The following PALM2AKAP2 variants were observed in gnomAD, a reference collection of about 807,000 sequenced individuals.
PALM2AKAP2 encodes PALM2 and AKAP2 fusion.
PALM2AKAP2 carries 37 observed loss-of-function variants against 71.5 expected under a neutral mutation model. The ratio of observed to expected loss-of-function variants is 0.52; its 90% CI spans 0.40 to 0.68. The LOEUF (loss-of-function observed/expected upper bound fraction) is 0.68, where lower values mean the gene tolerates loss of function less well. Ranked by LOEUF, PALM2AKAP2 falls within the 30% of genes least tolerant of loss-of-function variation. The pLI is 0.00. For missense variants in PALM2AKAP2, 1,224 were observed against 1,191.8 expected, an observed-to-expected ratio of 1.03 and a Z score of -0.40; for synonymous variants, 468 against 478.8, an observed-to-expected ratio of 0.98 and a Z score of 0.29.
At chr9:109,990,522 T>G (rs189266536) in intron 6 of PALM2AKAP2, among the ~76,000 whole-genome samples, 8 of 152,324 alleles carry the variant, frequency 5.3e-5, no homozygotes, top group African/African-American at 1.9e-4. Flanking sequence ...GTACCCCAAG[T>G]TGATCCTAGT....
chr9:109,965,291 T>C (rs1831926212), intron 6 of PALM2AKAP2, among the ~76,000 whole-genome samples: 1 of 152,134 alleles, frequency 6.6e-6, no homozygotes, highest in Non-Finnish European at 1.5e-5. Context: ...ATACCAATGC[T>C]CACAGCAGCA....
intron 1 of PALM2AKAP2, among the ~76,000 whole-genome samples, chr9:110,052,544 G>A (rs1434993884): frequency 6.6e-6 from 1 of 152,168 alleles, no homozygotes; most frequent in Non-Finnish European, 1.5e-5. Flanking sequence ...CTACCATTTG[G>A]CTCAGAGAGA....
intron 1 of PALM2AKAP2, among the ~76,000 whole-genome samples, chr9:109,758,434 G>A (rs750510761): frequency 5.3e-5 from 8 of 152,024 alleles, no homozygotes; most frequent in Non-Finnish European, 1.2e-4. Context: ...CTCTATAAAG[G>A]TTGTTCCGTT....
chr9:109,698,413 G>C (rs1828005463), intron 1 of PALM2AKAP2, among the ~76,000 whole-genome samples: 1 of 152,024 alleles, frequency 6.6e-6, no homozygotes, highest in South Asian at 2.1e-4. Context: ...GAGTAGCTGG[G>C]ATTATAGGCG....
chr9:109,900,917 C>G (rs1830314322), intron 3 of PALM2AKAP2, among the ~76,000 whole-genome samples: 1 of 152,220 alleles, frequency 6.6e-6, no homozygotes, highest in Non-Finnish European at 1.5e-5. Context: ...GTGATGGTCT[C>G]TTCTTCTAAA....
chr9:109,770,658 G>T, intron 1 of PALM2AKAP2, among the ~76,000 whole-genome samples: 1 of 152,284 alleles, frequency 6.6e-6, no homozygotes, highest in Middle Eastern at 3.4e-3. Flanking sequence ...GCAAATGCTG[G>T]TCTAGTCTGA....
intron 7 of PALM2AKAP2, among the ~76,000 whole-genome samples, chr9:110,034,277 T>C (rs754809969): frequency 6.6e-6 from 1 of 151,530 alleles, no homozygotes; most frequent in East Asian, 2.0e-4. Context: ...CCTGCCTCAG[T>C]CTCCTAAGTA....
chr9:109,975,081 C>T (rs1832147749), intron 6 of PALM2AKAP2, among the ~76,000 whole-genome samples: 1 of 151,698 alleles, frequency 6.6e-6, no homozygotes, highest in South Asian at 2.1e-4. Context: ...CACACACACA[C>T]ACGTTTGTGT....
In PALM2AKAP2 at chr9:109,881,550, CT is replaced by C. The variant is rs371602622; in HGVS notation, c.257+872del. On this transcript the variant is annotated intron_variant, in intron 3 of 9. Coordinates refer to the PALM2AKAP2 transcript ENST00000302798. ...TATGTGCCCGTGCTCTAAAAATTAA[CT>C]TTGTATTGTCTGCTTTCACTGCTCA... 1.2e-4 allele frequency among the ~76,000 whole-genome samples: 18 copies of C among 152,276 alleles called. No homozygotes were observed. The East Asian group carries it at 3.3e-3, about 28-fold the overall frequency.
chr9:109,794,941 C>T (rs1376601934), intron 1 of PALM2AKAP2, among the ~76,000 whole-genome samples: 1 of 152,216 alleles, frequency 6.6e-6, no homozygotes, highest in African/African-American at 2.4e-5. Flanking sequence ...TTGCTCACTG[C>T]AGATGGACAG....
At chr9:109,875,933 T>C (rs1010718141) in intron 2 of PALM2AKAP2, among the ~76,000 whole-genome samples, 1 of 152,226 alleles carries the variant, frequency 6.6e-6, no homozygotes, top group Non-Finnish European at 1.5e-5. Context: ...GCTCCCCACC[T>C]GCTCCTTCCT....
chr9:110,004,604 G>A (rs536310706), intron 6 of PALM2AKAP2, among the ~76,000 whole-genome samples: 5 of 152,278 alleles, frequency 3.3e-5, no homozygotes, highest in Non-Finnish European at 5.9e-5. Context: ...AAGTTCTCCA[G>A]GATAATATCC....
At chr9:110,136,743 C>T in exon 2 of PALM2AKAP2, 3 of 1,614,200 alleles carry the variant, frequency 1.9e-6, no homozygotes, top group Admixed American at 1.7e-5. Flanking sequence ...GGAGAGTTCA[C>T]TCTCACCACA....
At chr9:109,724,599 G>T (rs1307225677) in intron 1 of PALM2AKAP2, among the ~76,000 whole-genome samples, 1 of 152,176 alleles carries the variant, frequency 6.6e-6, no homozygotes, top group African/African-American at 2.4e-5. Context: ...AGTGGTGATA[G>T]CTCACATTTA....
chr9:110,074,265 T>A (rs1564290389), intron 1 of PALM2AKAP2, among the ~76,000 whole-genome samples: 1 of 152,162 alleles, frequency 6.6e-6, no homozygotes, highest in South Asian at 2.1e-4. Context: ...AGCGGGAGGA[T>A]CCCTTGAGGC....
intron 1 of PALM2AKAP2, among the ~76,000 whole-genome samples, chr9:110,077,728 G>A (rs1404877525): frequency 3.3e-5 from 5 of 152,148 alleles, no homozygotes; most frequent in East Asian, 1.9e-4. Context: ...AAATATTGTA[G>A]GTCTTAGCCG....
At chr9:109,754,683 T>C (rs529764060) in intron 1 of PALM2AKAP2, among the ~76,000 whole-genome samples, 1 of 152,238 alleles carries the variant, frequency 6.6e-6, no homozygotes, top group South Asian at 2.1e-4. Flanking sequence ...GTTCTCTTCC[T>C]AGTTGGCAGA....
upstream of PALM2AKAP2, among the ~76,000 whole-genome samples, chr9:110,044,194 C>T (rs1588074560): frequency 6.6e-6 from 1 of 152,048 alleles, no homozygotes; most frequent in East Asian, 1.9e-4. Flanking sequence ...TGAGGATCCC[C>T]CTGGGCTTGG....
chr9:110,108,077 ATT>A (rs34788989), intron 1 of PALM2AKAP2, among the ~76,000 whole-genome samples: 3 of 122,068 alleles, frequency 2.5e-5, no homozygotes, highest in Admixed American at 8.1e-5. Context: ...TTTTGCTGTT[ATT>A]TTTTTTTTTT....
Sources: allele counts gnomAD v4.1 joint callset (sites outside exome capture counted in the v4.1 genomes callset), GRCh38; gene constraint gnomAD v4.1.1; transcripts MANE v1.5; gene names NCBI Gene and HGNC (gene_info 2026-07-23, HGNC 2026-07-21).